Variants in HDAC9 observed in about 807,000 individuals in gnomAD.
The protein encoded by HDAC9 is MEF-2 interacting transcription repressor (MITR) protein.
In HDAC9, 41 loss-of-function variants were observed where a neutral mutation model predicts 139.4. The observed-to-expected ratio is 0.29, with a 90% CI of 0.23 to 0.38. HDAC9 has a LOEUF of 0.38. Among genes scored for constraint, HDAC9 ranks in the 10% least tolerant of loss-of-function variants. HDAC9 has a pLI of 1.00. For synonymous variants in HDAC9, 517 were observed against 476.2 expected (o/e 1.09, Z -1.12); for missense variants, 1,147 against 1,297.0 (o/e 0.88, Z 1.78).
chr7:18,254,572 C>G (rs954659076), intron 2 of HDAC9, among the ~76,000 whole-genome samples: 5 of 152,152 alleles, frequency 3.3e-5, no homozygotes, highest in Non-Finnish European at 4.4e-5. Flanking sequence ...GAAAGGCTTT[C>G]AGATTTGTAA....
At chr7:18,184,974 A>G (rs17138740) in intron 2 of HDAC9, among the ~76,000 whole-genome samples, 30,975 of 152,132 alleles carry the variant, frequency 0.2, 3,399 homozygotes, top group South Asian at 0.35. Flanking sequence ...TTGAGTTGCT[A>G]TGTAAAATGT....
intron 21 of HDAC9, among the ~76,000 whole-genome samples, chr7:18,844,235 T>G (rs1045611023): frequency 1.3e-5 from 2 of 152,188 alleles, no homozygotes; most frequent in African/African-American, 2.4e-5. Flanking sequence ...TCTAAACATC[T>G]ATTCCAAAGA....
intron 2 of HDAC9, among the ~76,000 whole-genome samples, chr7:18,273,011 T>TTCTTCC (rs1796469296): frequency 6.8e-6 from 1 of 147,822 alleles, no homozygotes; most frequent in South Asian, 2.1e-4. Context: ...CTTCTTCTTC[T>TTCTTCC]TCCTCCTCCT....
At chr7:18,927,122 A>G (rs73069809) in intron 22 of HDAC9, among the ~76,000 whole-genome samples, 2 of 152,200 alleles carry the variant, frequency 1.3e-5, no homozygotes, top group South Asian at 2.1e-4. Flanking sequence ...TTTACCCGTT[A>G]TTAAGGTGAT....
At chr7:18,206,628 G>A (rs1791529587) in intron 2 of HDAC9, among the ~76,000 whole-genome samples, 1 of 152,064 alleles carries the variant, frequency 6.6e-6, no homozygotes, top group Admixed American at 6.6e-5. Flanking sequence ...TCTTGTGGTT[G>A]CAGGAAATTA....
intron 1 of HDAC9, among the ~76,000 whole-genome samples, chr7:18,392,159 C>G (rs1430570609): frequency 6.6e-6 from 1 of 152,064 alleles, no homozygotes; most frequent in African/African-American, 2.4e-5. Context: ...GTTACTCAGC[C>G]TATCTTGACC....
intron 2 of HDAC9, among the ~76,000 whole-genome samples, chr7:18,566,939 G>T (rs181890694): frequency 1.2e-3 from 186 of 152,288 alleles, no homozygotes; most frequent in East Asian, 6.2e-3. Context: ...GTACCATACC[G>T]TATGTTCAGA....
chr7:18,550,562 A>G (rs750768348), intron 2 of HDAC9, among the ~76,000 whole-genome samples: 17 of 152,342 alleles, frequency 1.1e-4, no homozygotes, highest in Non-Finnish European at 2.4e-4. Flanking sequence ...TATGGAATAA[A>G]GAAAGAGTTA....
chr7:18,312,053 G>C (rs1314148607), intron 1 of HDAC9, among the ~76,000 whole-genome samples: 2 of 152,150 alleles, frequency 1.3e-5, no homozygotes, highest in African/African-American at 4.8e-5. Context: ...ATGAGGAGAG[G>C]ACAAAGTGAT....
At chr7:18,229,567 C>G (rs977244343) in intron 2 of HDAC9, among the ~76,000 whole-genome samples, 1 of 152,144 alleles carries the variant, frequency 6.6e-6, no homozygotes, top group Non-Finnish European at 1.5e-5. Flanking sequence ...TTCTCTTTTA[C>G]TTGGTGAGTT....
At chr7:18,766,319 C>G (rs1789826813) in intron 15 of HDAC9, among the ~76,000 whole-genome samples, 1 of 152,130 alleles carries the variant, frequency 6.6e-6, no homozygotes, top group East Asian at 1.9e-4. Context: ...CTGTTTTTCT[C>G]TATTCATGTA....
intron 12 of HDAC9, 148 bp from the exon 13 acceptor site, chr7:18,727,432 C>T (rs1401071048): frequency 3.0e-6 from 2 of 657,908 alleles, no homozygotes; most frequent in Admixed American, 3.7e-5. Context: ...TGTTTTTTCT[C>T]TCCCTTTCTC....
chr7:18,240,832 A>T (rs1250133919), intron 2 of HDAC9, among the ~76,000 whole-genome samples: 1 of 152,198 alleles, frequency 6.6e-6, no homozygotes, highest in East Asian at 1.9e-4. Context: ...GCATACAGCA[A>T]ACACAGACCT....
intron 2 of HDAC9, among the ~76,000 whole-genome samples, chr7:18,253,893 A>C (rs1795078631): frequency 6.6e-6 from 1 of 152,198 alleles, no homozygotes; most frequent in Non-Finnish European, 1.5e-5. Context: ...ATCACCTCTG[A>C]CCACCTTTCC....
At position 18,648,731 on chromosome 7, in the gene HDAC9, T is replaced by C. The variant is rs746576787; in HGVS notation, c.1467+48T>C. 1.1e-5 allele frequency: 16 copies of C among 1,506,148 alleles called. No individual in the cohort carries two copies. In the African/African-American group the frequency reaches 2.1e-4, roughly 20 times the overall value. The allele number at this position is 1,506,148 out of a possible 1,614,324, so 93.3% of individuals were successfully genotyped here. A position where few individuals can be genotyped will look rare whatever the true frequency, so the allele number is the denominator to read the frequency against. ...AATGTTCTAACCGCCAGTTTGGAAA[T>C]TGGGTATCTCTTCACTGATATGGGT... On this transcript the variant is annotated intron_variant, in intron 11 of 25. Coordinates refer to ENST00000686413, the MANE Select transcript of HDAC9 (RefSeq NM_178425.4).
intron 1 of HDAC9, among the ~76,000 whole-genome samples, chr7:18,381,083 G>A (rs1280704631): frequency 6.6e-6 from 1 of 150,522 alleles, no homozygotes; most frequent in African/African-American, 2.4e-5. Flanking sequence ...CTATAGTCCT[G>A]CACTACTGGG....
At chr7:18,358,601 TGAA>T (rs557217320) in intron 1 of HDAC9, among the ~76,000 whole-genome samples, 157 of 152,316 alleles carry the variant, frequency 1.0e-3, no homozygotes, top group Non-Finnish European at 1.4e-3. Context: ...GATGAGAACA[TGAA>T]GAACTTGATA....
chr7:18,966,440 C>T (rs1436529227), intron 24 of HDAC9, among the ~76,000 whole-genome samples: 4 of 152,224 alleles, frequency 2.6e-5, no homozygotes, highest in Non-Finnish European at 2.9e-5. Context: ...CGGTGGCTCA[C>T]GCCTGTAATC....
At chr7:18,203,301 A>G (rs1450417369) in intron 2 of HDAC9, among the ~76,000 whole-genome samples, 3 of 152,224 alleles carry the variant, frequency 2.0e-5, no homozygotes, top group Non-Finnish European at 2.9e-5. Flanking sequence ...CTTTGTTTCC[A>G]CAGCCAAACC....
Sources: allele counts gnomAD v4.1 joint callset (sites outside exome capture counted in the v4.1 genomes callset), GRCh38; gene constraint gnomAD v4.1.1; transcripts MANE v1.5; gene names NCBI Gene and HGNC (gene_info 2026-07-23, HGNC 2026-07-21).